Variants in CNOT10 observed in about 807,000 individuals in gnomAD.
CNOT10 encodes the protein CCR4-NOT transcription complex subunit 10.
CNOT10 carries 30 observed loss-of-function variants against 94.6 expected under a neutral mutation model. That is an observed-to-expected ratio of 0.32 (90% confidence interval 0.24 to 0.43). The LOEUF is 0.43. Ranked by LOEUF, CNOT10 falls within the 20% of genes least tolerant of loss-of-function variation. The probability of loss-of-function intolerance (pLI) is 1.00; values close to 1 mark genes in which losing one functional copy is unlikely to be tolerated. For synonymous variants in CNOT10, 289 were observed against 301.6 expected (o/e 0.96, Z 0.43); for missense variants, 759 against 877.2 (o/e 0.87, Z 1.70).
At chr3:32,687,468 T>TTTTTTTTTC (rs1696673081) in intron 1 of CNOT10, among the ~76,000 whole-genome samples, 1 of 131,654 alleles carries the variant, frequency 7.6e-6, no homozygotes, top group South Asian at 2.4e-4. Flanking sequence ...TTTTTTTTTT[T>TTTTTTTTTC]TGAGACGGAG....
intron 18 of CNOT10, among the ~76,000 whole-genome samples, chr3:32,770,537 C>T (rs113756159): frequency 2.0e-5 from 3 of 151,516 alleles, no homozygotes; most frequent in Non-Finnish European, 2.9e-5. Context: ...GTGTTGGCCA[C>T]GATGGTCTCG....
intron 4 of CNOT10, among the ~76,000 whole-genome samples, chr3:32,710,112 A>T (rs1364168251): frequency 6.8e-6 from 1 of 147,192 alleles, no homozygotes; most frequent in East Asian, 2.0e-4. Context: ...GCACCACAGC[A>T]TTCCAGCCTG....
At chr3:32,717,403 A>AT (rs370606070) in intron 7 of CNOT10, among the ~76,000 whole-genome samples, 166 bp downstream of exon 7, 9,347 of 146,282 alleles carry the variant, frequency 0.064, 322 homozygotes, top group African/African-American at 0.093. Context: ...CTATAGTTTA[A>AT]TTTTTTTTTT....
intron 13 of CNOT10, among the ~76,000 whole-genome samples, chr3:32,756,939 T>TA (rs1234802339): frequency 3.3e-5 from 5 of 151,166 alleles, no homozygotes; most frequent in Admixed American, 1.3e-4. Context: ...CCCATCTCTA[T>TA]AAAAAAATAC....
chr3:32,759,349 C>G (rs930447085), intron 13 of CNOT10, 109 bp from the exon 14 acceptor site: 2 of 719,444 alleles, frequency 2.8e-6, no homozygotes, highest in Admixed American at 2.3e-5. Context: ...TCTCCTCTTT[C>G]CTGGTGTCCA....
intron 13 of CNOT10, among the ~76,000 whole-genome samples, chr3:32,738,852 A>AT (rs932969686): frequency 3.4e-5 from 5 of 148,472 alleles, no homozygotes; most frequent in East Asian, 2.0e-4. Flanking sequence ...TGTTCATAAT[A>AT]TTTTTTTTAC....
chr3:32,771,571 A>G (rs1475716822), intron 18 of CNOT10, among the ~76,000 whole-genome samples: 2 of 152,062 alleles, frequency 1.3e-5, no homozygotes, highest in Admixed American at 6.6e-5. Flanking sequence ...CTGCACTCCA[A>G]TCTGGGCGAC....
chr3:32,687,293 G>C (rs6550151), intron 1 of CNOT10, among the ~76,000 whole-genome samples: 149,738 of 151,838 alleles, frequency 0.99, 73,874 homozygotes, highest in East Asian at 1. Context: ...GTCGCCCCCC[G>C]CTTTTTTTAT....
chr3:32,766,781 C>T (rs1001149335), intron 17 of CNOT10, among the ~76,000 whole-genome samples: 2 of 152,100 alleles, frequency 1.3e-5, no homozygotes, highest in Admixed American at 6.6e-5. Context: ...CATGAAGCTT[C>T]AAGGAAGATT....
intron 13 of CNOT10, among the ~76,000 whole-genome samples, chr3:32,752,285 G>A (rs368043988): frequency 1.3e-5 from 2 of 150,228 alleles, no homozygotes; most frequent in African/African-American, 2.5e-5. Flanking sequence ...GCGAAACTCC[G>A]TCTCAAAAAA....
intron 6 of CNOT10, among the ~76,000 whole-genome samples, chr3:32,716,512 G>T (rs1267459866): frequency 6.6e-6 from 1 of 152,164 alleles, no homozygotes; most frequent in Non-Finnish European, 1.5e-5. Flanking sequence ...TATTTAAATT[G>T]CTCTATAAAT....
intron 13 of CNOT10, among the ~76,000 whole-genome samples, chr3:32,758,620 A>G (rs1475652119): frequency 6.6e-6 from 1 of 152,216 alleles, no homozygotes; most frequent in Non-Finnish European, 1.5e-5. Context: ...GAGTGAGGTC[A>G]TTTGTGGTTA....
chr3:32,710,497 A>G (rs539400362), intron 4 of CNOT10, among the ~76,000 whole-genome samples: 1 of 152,138 alleles, frequency 6.6e-6, no homozygotes, highest in East Asian at 1.9e-4. Flanking sequence ...TAATCATCCA[A>G]AGTTCATAGT....
intron 11 of CNOT10, among the ~76,000 whole-genome samples, chr3:32,734,341 GAC>G (rs1699086558): frequency 6.6e-6 from 1 of 152,082 alleles, no homozygotes. Context: ...GAAATTATAA[GAC>G]AAAAAGTAAT....
chr3:32,730,991 T>G (rs1370438679), intron 10 of CNOT10: 1 of 152,214 alleles, frequency 6.6e-6, no homozygotes, highest in East Asian at 1.9e-4. Flanking sequence ...GTGGGCCAGT[T>G]TGTTTTCATC....
chr3:32,716,300 A>G lies in CNOT10; in HGVS notation c.649A>G (p.Lys217Glu). 6.4e-7 allele frequency: 1 copy of G among 1,572,398 alleles called. No individual in the cohort carries two copies. Among genetic ancestry groups the G allele is most frequent in the Non-Finnish European group, 8.7e-7 (1 of 1,147,218 alleles). ...AGCTCTAATAGAAGCTGCAAAATCA[A>G]AGATACATCAGGTAGTATAAATTTT... ...SGALIEAAKS[K>E]IHQYKVRAYI... Residue 217 changes from lysine (K) to glutamate (E), a missense_variant, in exon 6 of 19, where the codon AAG becomes GAG. Around this residue, in one of 3 missense-constraint regions of CNOT10, gnomAD observed 682 missense variants for 799.4 expected, o/e 0.85. Coordinates refer to ENST00000328834, the MANE Select transcript of CNOT10 (RefSeq NM_015442.3).
At chr3:32,752,322 C>G (rs1330880312) in intron 13 of CNOT10, among the ~76,000 whole-genome samples, 1 of 152,106 alleles carries the variant, frequency 6.6e-6, no homozygotes, top group Non-Finnish European at 1.5e-5. Context: ...TGGTCTGCCA[C>G]TCTGTGGAAA....
chr3:32,718,206 A>G (rs1405108640), intron 7 of CNOT10, among the ~76,000 whole-genome samples: 2 of 151,002 alleles, frequency 1.3e-5, no homozygotes, highest in African/African-American at 4.9e-5. Context: ...ATTGTGGCCT[A>G]GACCTGAGCC....
intron 10 of CNOT10, among the ~76,000 whole-genome samples, chr3:32,732,985 AT>A (rs1386467834): frequency 1.4e-4 from 21 of 152,284 alleles, no homozygotes; most frequent in African/African-American, 5.1e-4. Context: ...TGACAATGTA[AT>A]TAATACTTTG....
Sources: gnomAD v4.1 joint callset for allele counts (sites outside exome capture counted in the v4.1 genomes callset) on GRCh38, gnomAD v4.1.1 for gene constraint, gnomAD v4.1.1 regional missense constraint, MANE v1.5 for transcripts, NCBI Gene and HGNC (gene_info 2026-07-23, HGNC 2026-07-21) for gene names.